Variants in CFDP1 observed in about 807,000 individuals in gnomAD.
CFDP1 encodes the protein chromatin remodeling protein CFDP1.
Under a neutral mutation model 40.1 loss-of-function variants are expected in CFDP1, and 31 were observed. That is an observed-to-expected ratio of 0.77 (90% CI 0.58 to 1.04). The LOEUF is 1.04. CFDP1 is among the 50% of genes least tolerant of loss of function. The pLI is 0.00. For missense variants in CFDP1, 423 were observed against 343.4 expected, an observed-to-expected ratio of 1.23 and a Z score of -1.83; for synonymous variants, 167 against 120.0, an observed-to-expected ratio of 1.39 and a Z score of -2.56.
chr16:75,351,888 A>G (rs2078614137), intron 5 of CFDP1, among the ~76,000 whole-genome samples: 1 of 151,144 alleles, frequency 6.6e-6, no homozygotes, highest in African/African-American at 2.4e-5. Flanking sequence ...CACGCCTATA[A>G]TCCCAGCTAC....
chr16:75,420,645 A>G (rs2079267516), intron 1 of CFDP1, among the ~76,000 whole-genome samples: 2 of 152,242 alleles, frequency 1.3e-5, no homozygotes, highest in South Asian at 4.1e-4. Context: ...TTTGAGTATG[A>G]TCTATATATA....
chr16:75,428,618 AAAAT>A (rs896264353), intron 1 of CFDP1, among the ~76,000 whole-genome samples: 16 of 151,962 alleles, frequency 1.1e-4, no homozygotes, highest in African/African-American at 2.7e-4. Context: ...CTCCATCTCA[AAAAT>A]AAATAAATAG....
chr16:75,326,758 T>C (rs2078404237), intron 5 of CFDP1, among the ~76,000 whole-genome samples: 1 of 152,184 alleles, frequency 6.6e-6, no homozygotes, highest in Non-Finnish European at 1.5e-5. Flanking sequence ...GACATCCAAA[T>C]GGCTTCAGAT....
At chr16:75,394,978 T>G in intron 5 of CFDP1, 112 bp downstream of exon 5, 1 of 1,308,756 alleles carries the variant, frequency 7.6e-7, no homozygotes, top group Non-Finnish European at 1.1e-6. Flanking sequence ...CAAAGCAGCA[T>G]CATAATTCTC....
Position 75,384,852 on chromosome 16 carries a change from C to CAATATATATATATATA in CFDP1, c.650+10237_650+10238insTATATATATATATATT, listed in dbSNP as rs1555561750. Among the ~76,000 whole-genome samples, 29 of 119,992 alleles carry CAATATATATATATATA rather than the reference C, an allele frequency of 2.4e-4. 3 individuals carry two copies. The highest frequency in any genetic ancestry group is 4.6e-4 in the African/African-American group (13 of 28,014). 78.7% of individuals were successfully genotyped at this position (119,992 alleles called of 152,430 possible). A position where few individuals can be genotyped will look rare whatever the true frequency, so the allele number is the denominator to read the frequency against. ...TACAAGTTGCAAGAAGAAACTAAAA[C>CAATATATATATATATA]TATATATATATATATATATATATAT... On this transcript the variant is annotated intron_variant, in intron 5 of 6. Coordinates refer to ENST00000283882, the MANE Select transcript of CFDP1 (RefSeq NM_006324.3).
intron 5 of CFDP1, among the ~76,000 whole-genome samples, chr16:75,382,331 TC>T (rs2078859596): frequency 6.6e-6 from 1 of 152,188 alleles, no homozygotes; most frequent in African/African-American, 2.4e-5. Flanking sequence ...AAAACACTGA[TC>T]CTTTGCTTTC....
chr16:75,394,067 T>A (rs1428892815), intron 5 of CFDP1, among the ~76,000 whole-genome samples: 1 of 151,030 alleles, frequency 6.6e-6, no homozygotes, highest in African/African-American at 2.4e-5. Flanking sequence ...AAAAAAAATG[T>A]GAAACAAAAC....
chr16:75,310,316 A>C (rs2078287301), intron 5 of CFDP1, among the ~76,000 whole-genome samples: 1 of 152,208 alleles, frequency 6.6e-6, no homozygotes, highest in Non-Finnish European at 1.5e-5. Context: ...TATTTTGTTC[A>C]GTTATCCATC....
At chr16:75,404,442 C>T (rs901494425) in intron 4 of CFDP1, among the ~76,000 whole-genome samples, 1 of 151,808 alleles carries the variant, frequency 6.6e-6, no homozygotes, top group Non-Finnish European at 1.5e-5. Context: ...AGGATGGTCT[C>T]GATCTCCTGA....
chr16:75,317,075 CAAAGTCCT>C (rs2078328251), intron 5 of CFDP1, among the ~76,000 whole-genome samples: 3 of 152,246 alleles, frequency 2.0e-5, no homozygotes, highest in South Asian at 2.1e-4. Context: ...GGATCTTCAG[CAAAGTCCT>C]AGATTGGACA....
At chr16:75,398,581 G>C (rs1439956171) in intron 4 of CFDP1, among the ~76,000 whole-genome samples, 1 of 152,158 alleles carries the variant, frequency 6.6e-6, no homozygotes, top group Non-Finnish European at 1.5e-5. Context: ...CCCTGTGTCT[G>C]TCTCTCTCAA....
chr16:75,417,059 G>C (rs1043057700), intron 1 of CFDP1, among the ~76,000 whole-genome samples: 5 of 152,100 alleles, frequency 3.3e-5, no homozygotes, highest in African/African-American at 1.2e-4. Context: ...TATGGTCCCA[G>C]CTGCTTGGGA....
chr16:75,384,310 G>C (rs1443418954), intron 5 of CFDP1, among the ~76,000 whole-genome samples: 1 of 152,030 alleles, frequency 6.6e-6, no homozygotes, highest in African/African-American at 2.4e-5. Flanking sequence ...TGAGCCGAGC[G>C]AGATAGCACC....
At chr16:75,294,872 C>A (rs147728938) in intron 6 of CFDP1, among the ~76,000 whole-genome samples, 1 of 152,164 alleles carries the variant, frequency 6.6e-6, no homozygotes, top group East Asian at 1.9e-4. Context: ...GACGGGAAAG[C>A]AGCAAGGGCT....
chr16:75,403,363 C>A (rs1394596267), intron 4 of CFDP1, among the ~76,000 whole-genome samples: 1 of 152,160 alleles, frequency 6.6e-6, no homozygotes, highest in Non-Finnish European at 1.5e-5. Context: ...GGACTACAGA[C>A]ACACACCACA....
chr16:75,303,107 G>T (rs1369858097), intron 6 of CFDP1, among the ~76,000 whole-genome samples: 1 of 150,060 alleles, frequency 6.7e-6, no homozygotes, highest in Admixed American at 6.7e-5. Context: ...GGCTGAGGCA[G>T]GAGAATCGCT....
Position 75,426,035 on chromosome 16 carries a change from CAAAAAAAAAA to C in CFDP1, c.64+7244_64+7253del, listed in dbSNP as rs71134711. On this transcript the variant is annotated intron_variant, in intron 1 of 6. Transcript: ENST00000283882. ...TGGGCAACAGAGCAACACTCTGTCTCAAAAAAAAAAAAAAAAAAAAAAAAAAAAGTAAAGG... is the reference window on the plus strand; with the variant it reads ...TGGGCAACAGAGCAACACTCTGTCTCAAAAAAAAAAAAAAAAAAGTAAAGG... Among the ~76,000 whole-genome samples the C allele has an allele frequency of 5.9e-3, 204 of 34,524 alleles. 1 individual carries two copies. Among genetic ancestry groups the C allele is most frequent in the African/African-American group, 0.024 (180 of 7,434 alleles). The allele number at this position is 34,524 out of a possible 152,430, so 22.6% of individuals were successfully genotyped here.
chr16:75,346,414 T>C (rs1335890001), intron 5 of CFDP1, among the ~76,000 whole-genome samples: 1 of 151,534 alleles, frequency 6.6e-6, no homozygotes, highest in Non-Finnish European at 1.5e-5. Flanking sequence ...AAATCCCATC[T>C]CTACTAAAAA....
chr16:75,390,461 G>C (rs542545615), intron 5 of CFDP1, among the ~76,000 whole-genome samples: 20 of 152,294 alleles, frequency 1.3e-4, no homozygotes, highest in African/African-American at 4.8e-4. Flanking sequence ...CCCTCTCCTT[G>C]ATGTCTCCTC....
Sources: gnomAD v4.1 joint callset for allele counts (sites outside exome capture counted in the v4.1 genomes callset) on GRCh38, gnomAD v4.1.1 for gene constraint, MANE v1.5 for transcripts, NCBI Gene and HGNC (gene_info 2026-07-23, HGNC 2026-07-21) for gene names.